Variants in RSRC1 observed in about 807,000 individuals in gnomAD.
The protein encoded by RSRC1 is arginine and serine rich coiled-coil 1, also known as serine/Arginine-related protein 53.
In RSRC1, 39 loss-of-function variants were observed where a neutral mutation model predicts 49.1. The observed-to-expected ratio is 0.79, with a 90% CI of 0.61 to 1.04. The LOEUF (loss-of-function observed/expected upper bound fraction) is 1.04, where lower values mean the gene tolerates loss of function less well. Among genes scored for constraint, RSRC1 ranks in the 50% least tolerant of loss-of-function variants. The pLI, the probability that RSRC1 is intolerant of heterozygous loss-of-function variation, is 0.00. For missense variants in RSRC1, 388 were observed against 402.4 expected (o/e 0.96, Z 0.31); for synonymous variants, 143 against 130.8 (o/e 1.09, Z -0.63).
At chr3:158,344,311 C>G (rs1189358198) in intron 5 of RSRC1, among the ~76,000 whole-genome samples, 1 of 151,886 alleles carries the variant, frequency 6.6e-6, no homozygotes, top group Non-Finnish European at 1.5e-5. Context: ...ACATCATAAT[C>G]AAAATGCTTT....
chr3:158,148,364 T>TGC (rs1376069243), intron 3 of RSRC1, among the ~76,000 whole-genome samples: 1 of 85,660 alleles, frequency 1.2e-5, no homozygotes, highest in Non-Finnish European at 2.3e-5. Flanking sequence ...TGTGTGTGTG[T>TGC]GCGTGTGTGT....
At chr3:158,382,430 T>C (rs1732752468) in intron 6 of RSRC1, among the ~76,000 whole-genome samples, 1 of 152,208 alleles carries the variant, frequency 6.6e-6, no homozygotes. Context: ...GCAGCACAGT[T>C]GGTTTGTTTA....
At chr3:158,228,780 T>TATATATGTCTATGATCATAGACAC (rs1722666999) in intron 4 of RSRC1, among the ~76,000 whole-genome samples, 1 of 151,894 alleles carries the variant, frequency 6.6e-6, no homozygotes, top group Non-Finnish European at 1.5e-5. Context: ...TATATATGTG[T>TATATATGTCTATGATCATAGACAC]GTGTGTATAT....
At chr3:158,377,583 C>A (rs1443153104) in intron 6 of RSRC1, among the ~76,000 whole-genome samples, 3 of 152,146 alleles carry the variant, frequency 2.0e-5, no homozygotes, top group Non-Finnish European at 2.9e-5. Flanking sequence ...AGATGCTGGC[C>A]CATGCTTCTT....
chr3:158,527,054 T>G (rs1326978260), intron 7 of RSRC1, among the ~76,000 whole-genome samples: 2 of 151,122 alleles, frequency 1.3e-5, no homozygotes, highest in Non-Finnish European at 3.0e-5. Flanking sequence ...TATCTATATC[T>G]TAAGAAGTTA....
chr3:158,401,449 C>T (rs9876322), intron 6 of RSRC1, among the ~76,000 whole-genome samples: 1 of 151,602 alleles, frequency 6.6e-6, no homozygotes, highest in Non-Finnish European at 1.5e-5. Flanking sequence ...TGCGATAGGA[C>T]GGAGAAACGT....
intron 3 of RSRC1, among the ~76,000 whole-genome samples, chr3:158,145,903 G>T (rs1717070303): frequency 6.6e-6 from 1 of 152,128 alleles, no homozygotes; most frequent in South Asian, 2.1e-4. Context: ...AATTGTGAAT[G>T]GGAGTTCACT....
intron 6 of RSRC1, among the ~76,000 whole-genome samples, chr3:158,450,676 A>G (rs1486356623): frequency 6.6e-6 from 1 of 151,966 alleles, no homozygotes; most frequent in African/African-American, 2.4e-5. Context: ...AGCTATGTCC[A>G]TATGTAAATT....
intron 7 of RSRC1, among the ~76,000 whole-genome samples, chr3:158,501,253 G>T (rs999513788): frequency 6.6e-6 from 1 of 152,054 alleles, no homozygotes; most frequent in African/African-American, 2.4e-5. Flanking sequence ...TTTCTTAAAT[G>T]TATCAAGCCT....
intron 1 of RSRC1, among the ~76,000 whole-genome samples, chr3:158,111,219 A>G (rs1291991111): frequency 6.6e-6 from 1 of 152,244 alleles, no homozygotes; most frequent in Non-Finnish European, 1.5e-5. Flanking sequence ...GTATCCTTTA[A>G]GAGCCTCTCT....
intron 6 of RSRC1, among the ~76,000 whole-genome samples, chr3:158,376,785 T>C (rs911279308): frequency 6.6e-6 from 1 of 152,212 alleles, no homozygotes; most frequent in African/African-American, 2.4e-5. Flanking sequence ...TTAAATACAA[T>C]CAGCACCTAT....
At chr3:158,488,662 TAA>T (rs1218656568) in intron 7 of RSRC1, among the ~76,000 whole-genome samples, 1 of 152,206 alleles carries the variant, frequency 6.6e-6, no homozygotes, top group East Asian at 1.9e-4. Context: ...ATTTTTTTAA[TAA>T]AGTTAATTTT....
chr3:158,224,070 G>C (rs1722378360), intron 4 of RSRC1, among the ~76,000 whole-genome samples: 1 of 151,638 alleles, frequency 6.6e-6, no homozygotes. Context: ...AGAAGGGAAG[G>C]GTCCTTGTTC....
At position 158,399,347 on chromosome 3, in the gene RSRC1, G is replaced by A. The variant is rs1733784285; in HGVS notation, c.583+44439G>A. Among the ~76,000 whole-genome samples, 2 of 55,764 alleles carry A rather than the reference G, an allele frequency of 3.6e-5. 1 individual carries two copies. The highest frequency in any genetic ancestry group is 1.7e-4 in the African/African-American group (2 of 11,680). 36.6% of individuals were successfully genotyped at this position (55,764 alleles called of 152,430 possible). A position where few individuals can be genotyped will look rare whatever the true frequency, so the allele number is the denominator to read the frequency against. On this transcript the variant is annotated intron_variant, in intron 6 of 9. Transcript: ENST00000611884. ...TTTTTTTTGTATTTTTAGTAGAGAC[G>A]GGGTTTCACCGTTTTAGCCGGGATG...
chr3:158,192,040 CTT>C (rs1386415889), intron 3 of RSRC1, among the ~76,000 whole-genome samples: 1 of 151,994 alleles, frequency 6.6e-6, no homozygotes, highest in Non-Finnish European at 1.5e-5. Flanking sequence ...TTTTTCCTCT[CTT>C]TGTTTTTGCA....
intron 3 of RSRC1, among the ~76,000 whole-genome samples, chr3:158,150,373 G>C (rs1378850212): frequency 6.6e-6 from 1 of 152,110 alleles, no homozygotes; most frequent in Non-Finnish European, 1.5e-5. Context: ...TGTATTTGGG[G>C]GAAATCACAA....
chr3:158,444,437 G>A (rs889864981), intron 6 of RSRC1, among the ~76,000 whole-genome samples: 2 of 152,098 alleles, frequency 1.3e-5, no homozygotes, highest in African/African-American at 4.8e-5. Context: ...AATGGTGCTG[G>A]GAAAACTGGC....
chr3:158,160,606 C>G (rs1022472036), intron 3 of RSRC1, among the ~76,000 whole-genome samples: 22 of 152,072 alleles, frequency 1.4e-4, no homozygotes, highest in African/African-American at 5.3e-4. Flanking sequence ...GGGAAGGGCT[C>G]TTTTCTGATA....
chr3:158,390,344 G>A (rs190044412), intron 6 of RSRC1, among the ~76,000 whole-genome samples: 31 of 152,266 alleles, frequency 2.0e-4, no homozygotes, highest in African/African-American at 7.2e-4. Context: ...CTTAGACCTG[G>A]CCAGGGCCCA....
Sources: gnomAD v4.1 joint callset for allele counts (sites outside exome capture counted in the v4.1 genomes callset) on GRCh38, gnomAD v4.1.1 for gene constraint, MANE v1.5 for transcripts, NCBI Gene and HGNC (gene_info 2026-07-23, HGNC 2026-07-21) for gene names.